Variants in CSRNP3 observed in about 807,000 individuals in gnomAD.
CSRNP3 encodes cysteine/serine-rich nuclear protein 3.
A neutral mutation model predicts 48.0 loss-of-function variants in CSRNP3; 12 were observed. That is an observed-to-expected ratio of 0.25 (90% CI 0.16 to 0.41). The LOEUF is 0.41. CSRNP3 is among the 10% of genes least tolerant of loss of function. The probability of loss-of-function intolerance (pLI) is 1.00; values close to 1 mark genes in which losing one functional copy is unlikely to be tolerated. For synonymous variants in CSRNP3, 263 were observed against 269.7 expected (o/e 0.98, Z 0.24); for missense variants, 580 against 724.4 (o/e 0.80, Z 2.29).
intron 2 of CSRNP3, among the ~76,000 whole-genome samples, chr2:165,512,853 C>T (rs1337637749): frequency 6.6e-6 from 1 of 152,190 alleles, no homozygotes; most frequent in African/African-American, 2.4e-5. Flanking sequence ...GCCTGTAATC[C>T]CTGCCCTTTG....
chr2:165,676,407 A>G lies in CSRNP3; in HGVS notation c.504A>G (p.Val168=). The G allele has an allele frequency of 1.2e-6, 2 of 1,614,020 alleles. No individual in the cohort carries two copies. Among genetic ancestry groups the G allele is most frequent in the Non-Finnish European group, 1.7e-6 (2 of 1,179,834 alleles). The change falls in exon 6 of 7, where the codon GTA becomes GTG. Residue 168 remains valine, a synonymous_variant. Transcript: ENST00000651982. ...ACATTGACCTGGACAACACAGAGGTAGATGAGTACTTCTTCCTACAACCTT... is the reference window on the plus strand; with the variant it reads ...ACATTGACCTGGACAACACAGAGGTGGATGAGTACTTCTTCCTACAACCTT... ...DDDIDLDNTE[V]DEYFFLQPLP... is the part of the protein sequence containing the mutation.
intron 5 of CSRNP3, among the ~76,000 whole-genome samples, chr2:165,673,319 G>A (rs1249495750): frequency 1.3e-5 from 2 of 151,510 alleles, no homozygotes; most frequent in East Asian, 1.9e-4. Flanking sequence ...TGTATTTTTA[G>A]CAGAGATGTG....
intron 4 of CSRNP3, among the ~76,000 whole-genome samples, chr2:165,649,012 G>A (rs570053521): frequency 2.9e-4 from 44 of 152,154 alleles, no homozygotes; most frequent in Non-Finnish European, 5.6e-4. Flanking sequence ...TTCCCTTCAT[G>A]CATATCTCTT....
Position 165,679,753 on chromosome 2 carries a change from G to A in CSRNP3, c.1758G>A (p.Ter586=). ...KSPVVETVPV[*] is the part of the protein sequence containing the mutation. Reference sequence around the variant, plus strand: ...CCGTGGTTGAGACAGTCCCTGTTTAGTAGCTTAAATTATTCTAGGACCAAC... The same window carrying A: ...CCGTGGTTGAGACAGTCCCTGTTTAATAGCTTAAATTATTCTAGGACCAAC... Residue 586 remains the stop codon, a stop_retained_variant, in exon 7 of 7, where the codon TAG becomes TAA. Transcript: ENST00000651982. The A allele has an allele frequency of 6.2e-7, 1 of 1,609,918 alleles. No homozygotes were observed. Among genetic ancestry groups the A allele is most frequent in the Non-Finnish European group, 8.5e-7 (1 of 1,177,314 alleles).
chr2:165,574,092 C>A (rs1420371023), intron 3 of CSRNP3: 8 of 423,146 alleles, frequency 1.9e-5, no homozygotes, highest in African/African-American at 2.0e-5. Context: ...AACCCGTGCC[C>A]ACTCCCCATC....
chr2:165,525,863 A>C (rs560293783), intron 3 of CSRNP3, among the ~76,000 whole-genome samples: 1 of 152,308 alleles, frequency 6.6e-6, no homozygotes, highest in South Asian at 2.1e-4. Context: ...TAAATGTATT[A>C]TAATTTTATG....
At chr2:165,570,199 C>T (rs192639534) in intron 3 of CSRNP3, among the ~76,000 whole-genome samples, 1 of 151,966 alleles carries the variant, frequency 6.6e-6, no homozygotes, top group East Asian at 1.9e-4. Flanking sequence ...TGAGAATAGC[C>T]GACCTGGAGA....
At chr2:165,532,605 A>G (rs960986827) in intron 3 of CSRNP3, among the ~76,000 whole-genome samples, 35 of 151,408 alleles carry the variant, frequency 2.3e-4, no homozygotes, top group African/African-American at 8.0e-4. Context: ...CCAATATCAT[A>G]CTGAATGGGC....
intron 3 of CSRNP3, among the ~76,000 whole-genome samples, chr2:165,562,431 C>T (rs1296639232): frequency 6.6e-6 from 1 of 152,104 alleles, no homozygotes; most frequent in East Asian, 1.9e-4. Flanking sequence ...GGAAAAATTG[C>T]AAAACATTTT....
chr2:165,540,024 T>C (rs764863411), intron 3 of CSRNP3, among the ~76,000 whole-genome samples: 12 of 152,084 alleles, frequency 7.9e-5, no homozygotes, highest in Non-Finnish European at 1.6e-4. Flanking sequence ...CCAGTAGTGA[T>C]TGACCTGTAG....
chr2:165,608,932 T>TAAAAAA (rs1419580411), intron 4 of CSRNP3, among the ~76,000 whole-genome samples: 2 of 19,940 alleles, frequency 1.0e-4, no homozygotes, highest in East Asian at 1.1e-3. Context: ...CTACTAAAAA[T>TAAAAAA]ACAAAAAAAA....
intron 5 of CSRNP3, among the ~76,000 whole-genome samples, chr2:165,666,995 G>GAA (rs2105355205): frequency 4.7e-5 from 1 of 21,270 alleles, no homozygotes; most frequent in Non-Finnish European, 1.6e-4. Flanking sequence ...AAGAAAGAAA[G>GAA]AGAGAGAGAG....
intron 4 of CSRNP3, among the ~76,000 whole-genome samples, chr2:165,628,640 C>T (rs1686479974): frequency 6.6e-6 from 1 of 152,162 alleles, no homozygotes; most frequent in Non-Finnish European, 1.5e-5. Flanking sequence ...AGGAGAATCG[C>T]TTGAACCTGG....
chr2:165,567,105 G>C (rs879803225), intron 3 of CSRNP3: 2 of 152,016 alleles, frequency 1.3e-5, no homozygotes, highest in Non-Finnish European at 2.9e-5. Context: ...TAGGATTGAT[G>C]GAAAAACCAT....
chr2:165,484,923 C>T (rs529621182), intron 1 of CSRNP3, among the ~76,000 whole-genome samples: 2 of 152,306 alleles, frequency 1.3e-5, no homozygotes, highest in South Asian at 4.1e-4. Context: ...CACTTGCTCT[C>T]GCTCTTTCTT....
Position 165,567,312 on chromosome 2 carries a change from T to C in CSRNP3, c.-23-27731T>C, listed in dbSNP as rs1395964723. 2.6e-5 allele frequency among the ~76,000 whole-genome samples: 4 copies of C among 152,106 alleles called. No homozygotes were observed. The East Asian group carries it at 7.7e-4, about 29-fold the overall frequency. On this transcript the variant is annotated intron_variant, in intron 3 of 6. Coordinates refer to ENST00000651982, the MANE Select transcript of CSRNP3 (RefSeq NM_001172173.2). ...GAGAAGGTTTGCTTCATTTATTCTTTTCTCTCGATAAATGCTGTTTTCTAA... is the reference window on the plus strand; with the variant it reads ...GAGAAGGTTTGCTTCATTTATTCTTCTCTCTCGATAAATGCTGTTTTCTAA...
intron 5 of CSRNP3, among the ~76,000 whole-genome samples, chr2:165,658,558 G>A (rs1015171012): frequency 9.2e-5 from 14 of 152,134 alleles, no homozygotes; most frequent in African/African-American, 3.4e-4. Context: ...AGAAAAGCCA[G>A]AGCTACTGTA....
At chr2:165,654,268 G>A (rs140346741) in intron 4 of CSRNP3, among the ~76,000 whole-genome samples, 4 of 152,230 alleles carry the variant, frequency 2.6e-5, no homozygotes, top group Non-Finnish European at 4.4e-5. Context: ...TTTACATTTC[G>A]ACAAATTCTT....
rs112734624 is a variant in CSRNP3, at chr2:165,492,898, C to G, written c.-282-1861C>G. Among the ~76,000 whole-genome samples, 429 of 129,176 alleles carry G rather than the reference C, an allele frequency of 3.3e-3. 3 individuals are homozygous for G. The highest frequency in any genetic ancestry group is 5.6e-3 in the Non-Finnish European group (348 of 62,032). 84.7% of individuals were successfully genotyped at this position (129,176 alleles called of 152,430 possible). On this transcript the variant is annotated intron_variant, in intron 1 of 6. Coordinates refer to ENST00000651982, the MANE Select transcript of CSRNP3 (RefSeq NM_001172173.2). The stretch of plus-strand genomic sequence containing the variant: ...GACAAATAGATCTCTTTCTATAGAA[C>G]AGCATAAATGACCAAAGGATGATAC...
Sources: allele counts gnomAD v4.1 joint callset (sites outside exome capture counted in the v4.1 genomes callset), GRCh38; gene constraint gnomAD v4.1.1; transcripts MANE v1.5; gene names NCBI Gene and HGNC (gene_info 2026-07-23, HGNC 2026-07-21).